GALNT17: variants seen among roughly 807,000 people sequenced by gnomAD.
GALNT17 encodes the protein UDP-GalNAc:polypeptide N-acetylgalactosaminyltransferase-like 3.
Under a neutral mutation model 63.7 loss-of-function variants are expected in GALNT17, and 29 were observed. That is an observed-to-expected ratio of 0.46 (90% CI 0.34 to 0.62). GALNT17 has a LOEUF of 0.62. Ranked by LOEUF, GALNT17 falls within the 20% of genes least tolerant of loss-of-function variation. The pLI, the probability that GALNT17 is intolerant of heterozygous loss-of-function variation, is 0.01. For synonymous variants in GALNT17, 305 were observed against 318.3 expected, an observed-to-expected ratio of 0.96 and a Z score of 0.45; for missense variants, 603 against 799.6, an observed-to-expected ratio of 0.75 and a Z score of 2.97.
chr7:71,496,694 A>G (rs972877759), intron 5 of GALNT17, among the ~76,000 whole-genome samples: 3 of 152,058 alleles, frequency 2.0e-5, no homozygotes, highest in Admixed American at 2.0e-4. Flanking sequence ...GAGGAAGCAT[A>G]AGAGCCATGA....
At chr7:71,400,847 C>T (rs1793226832) in intron 3 of GALNT17, among the ~76,000 whole-genome samples, 3 of 152,180 alleles carry the variant, frequency 2.0e-5, no homozygotes, top group Non-Finnish European at 2.9e-5. Flanking sequence ...GGTCCCTGCT[C>T]AGGTGACAAG....
intron 2 of GALNT17, among the ~76,000 whole-genome samples, chr7:71,358,206 A>G (rs190137059): frequency 6.6e-6 from 1 of 152,180 alleles, no homozygotes; most frequent in African/African-American, 2.4e-5. Flanking sequence ...GCGGGAACCA[A>G]CTGCGGACAC....
At chr7:71,641,169 T>C (rs914715763) in intron 6 of GALNT17, among the ~76,000 whole-genome samples, 3 of 152,180 alleles carry the variant, frequency 2.0e-5, no homozygotes, top group African/African-American at 7.2e-5. Context: ...TCTCAGGACA[T>C]AGGGGTTGGT....
intron 5 of GALNT17, among the ~76,000 whole-genome samples, chr7:71,525,134 T>C (rs2116763496): frequency 6.6e-6 from 1 of 152,330 alleles, no homozygotes; most frequent in African/African-American, 2.4e-5. Flanking sequence ...TTGCACCAAC[T>C]CAATAGTTTT....
chr7:71,251,813 G>A (rs1433215056), intron 1 of GALNT17, among the ~76,000 whole-genome samples: 3 of 152,216 alleles, frequency 2.0e-5, no homozygotes, highest in Non-Finnish European at 4.4e-5. Flanking sequence ...CGTCAGCTCT[G>A]CCCTGTGAGG....
chr7:71,582,396 A>G (rs1301061240), intron 6 of GALNT17, among the ~76,000 whole-genome samples: 1 of 150,042 alleles, frequency 6.7e-6, no homozygotes, highest in Admixed American at 6.7e-5. Flanking sequence ...AACATGGTGA[A>G]ACACTGTCTC....
chr7:71,292,438 A>G (rs1790994226), intron 1 of GALNT17, among the ~76,000 whole-genome samples: 1 of 152,186 alleles, frequency 6.6e-6, no homozygotes, highest in Non-Finnish European at 1.5e-5. Flanking sequence ...TTTGTTGGAC[A>G]TCTTATTATA....
At chr7:71,142,293 T>C (rs1376509225) in intron 1 of GALNT17, among the ~76,000 whole-genome samples, 1 of 152,162 alleles carries the variant, frequency 6.6e-6, no homozygotes, top group Non-Finnish European at 1.5e-5. Context: ...CCTTATAACT[T>C]TCTTGGACTC....
chr7:71,536,274 C>T (rs1288481949), intron 5 of GALNT17, among the ~76,000 whole-genome samples: 2 of 152,138 alleles, frequency 1.3e-5, no homozygotes, highest in South Asian at 2.1e-4. Context: ...CACCTTTTCT[C>T]CAGGCACAGC....
At chr7:71,195,715 T>C (rs1789036001) in intron 1 of GALNT17, among the ~76,000 whole-genome samples, 1 of 151,948 alleles carries the variant, frequency 6.6e-6, no homozygotes, top group Non-Finnish European at 1.5e-5. Context: ...GCTTGGCTAA[T>C]TTTTAAATTT....
chr7:71,497,604 ATG>A (rs1788116786), intron 5 of GALNT17, among the ~76,000 whole-genome samples: 1 of 152,220 alleles, frequency 6.6e-6, no homozygotes, highest in South Asian at 2.1e-4. Flanking sequence ...ATGTCAACAT[ATG>A]AATGTGGTTA....
chr7:71,437,934 A>G (rs886255114), intron 5 of GALNT17, among the ~76,000 whole-genome samples: 1 of 151,986 alleles, frequency 6.6e-6, no homozygotes. Flanking sequence ...GCTGGTCTCA[A>G]ACTCCTGGTT....
intron 1 of GALNT17, among the ~76,000 whole-genome samples, chr7:71,135,971 C>G (rs930134439): frequency 6.6e-6 from 1 of 152,130 alleles, no homozygotes; most frequent in Admixed American, 6.5e-5. Context: ...ATGCAAGCTG[C>G]GACTAGGCAG....
At chr7:71,277,245 C>A (rs1038196594) in intron 1 of GALNT17, among the ~76,000 whole-genome samples, 1 of 152,086 alleles carries the variant, frequency 6.6e-6, no homozygotes, top group African/African-American at 2.4e-5. Context: ...AAACAGAAAA[C>A]CAAATCCTGC....
At chr7:71,603,234 G>A (rs1043933115) in intron 6 of GALNT17, among the ~76,000 whole-genome samples, 7 of 151,644 alleles carry the variant, frequency 4.6e-5, no homozygotes, top group Non-Finnish European at 8.8e-5. Context: ...TGCATACACT[G>A]GATACTGTGC....
rs190725617 is a variant in GALNT17 at position 71,609,742 on chromosome 7, A to G, written c.1080+38340A>G. Among the ~76,000 whole-genome samples, 208 of 152,244 alleles carry G rather than the reference A, an allele frequency of 1.4e-3. 2 individuals carry two copies. Among genetic ancestry groups the G allele is most frequent in the Middle Eastern group, 6.8e-3 (2 of 294 alleles). On this transcript the variant is annotated intron_variant, in intron 6 of 10. Coordinates refer to ENST00000333538, the MANE Select transcript of GALNT17 (RefSeq NM_022479.3). ...TATACTATATGTATATAGTGTGACTATATACTATGTACATAATATGAGTAT... is the reference window on the plus strand; with the variant it reads ...TATACTATATGTATATAGTGTGACTGTATACTATGTACATAATATGAGTAT...
chr7:71,388,431 C>T, intron 3 of GALNT17, 30 bp downstream of exon 3: 1 of 1,593,426 alleles, frequency 6.3e-7, no homozygotes, highest in South Asian at 1.1e-5. Flanking sequence ...GTGCACAGGA[C>T]ATGATGACAG....
chr7:71,321,085 C>G (rs1043136539), intron 1 of GALNT17, among the ~76,000 whole-genome samples: 21 of 152,102 alleles, frequency 1.4e-4, no homozygotes, highest in African/African-American at 4.3e-4. Context: ...TGAGCAAATG[C>G]AGCATGTGAC....
intron 1 of GALNT17, among the ~76,000 whole-genome samples, chr7:71,172,645 G>A (rs1788566651): frequency 6.6e-6 from 1 of 152,126 alleles, no homozygotes; most frequent in African/African-American, 2.4e-5. Context: ...CACTCCTGTG[G>A]AGTGGGAGCT....
Sources: allele counts gnomAD v4.1 joint callset (sites outside exome capture counted in the v4.1 genomes callset), GRCh38; gene constraint gnomAD v4.1.1; transcripts MANE v1.5; gene names NCBI Gene and HGNC (gene_info 2026-07-23, HGNC 2026-07-21).